ASRGL1: variants seen among roughly 807,000 people sequenced by gnomAD.
ASRGL1 encodes isoaspartyl peptidase/L-asparaginase.
In ASRGL1, 16 loss-of-function variants were observed where a neutral mutation model predicts 22.4. That is an observed-to-expected ratio of 0.71 (90% CI 0.48 to 1.08). The LOEUF is 1.08. Ranked by LOEUF, ASRGL1 falls within the 50% of genes least tolerant of loss-of-function variation. The pLI, the probability that ASRGL1 is intolerant of heterozygous loss-of-function variation, is 0.00. For synonymous variants in ASRGL1, 165 were observed against 159.3 expected (o/e 1.04, Z -0.27); for missense variants, 412 against 410.1 (o/e 1.00, Z -0.04).
At chr11:62,368,222 C>A (rs535700410) in intron 4 of ASRGL1, among the ~76,000 whole-genome samples, 1 of 152,184 alleles carries the variant, frequency 6.6e-6, no homozygotes, top group East Asian at 1.9e-4. Flanking sequence ...ATCAATTAAA[C>A]CTTATCATAG....
At chr11:62,389,449 C>A in intron 5 of ASRGL1, 198 bp downstream of exon 5, 1 of 667,828 alleles carries the variant, frequency 1.5e-6, no homozygotes, top group Non-Finnish European at 2.7e-6. Flanking sequence ...TTGTATCTGG[C>A]GCCACTGTTT....
rs562833453 is a variant in ASRGL1 at position 62,343,429 on chromosome 11, A to G, written c.190+5262A>G. ...CCAAACTTTAACATTCCCACTAGCA[A>G]TGTATGAAAGTTCCACTTACAGGCT... On this transcript the variant is annotated intron_variant, in intron 2 of 6. Transcript: ENST00000415229. 3.2e-4 allele frequency among the ~76,000 whole-genome samples: 48 copies of G among 150,376 alleles called. No homozygotes were observed. In the South Asian group the frequency reaches 9.5e-3, roughly 30 times the overall value.
chr11:62,367,052 A>G (rs1394676519), intron 4 of ASRGL1, among the ~76,000 whole-genome samples: 1 of 151,820 alleles, frequency 6.6e-6, no homozygotes, highest in Non-Finnish European at 1.5e-5. Flanking sequence ...TAAAAATACA[A>G]AATTAGTCGG....
the ASRGL1 span, among the ~76,000 whole-genome samples, chr11:62,400,823 G>GC: frequency 8.5e-5 from 13 of 152,308 alleles, no homozygotes; most frequent in East Asian, 2.5e-3. Flanking sequence ...GTCACAACCA[G>GC]TTAAGTGCAT....
chr11:62,362,813 T>TACACAC (rs57501048), intron 4 of ASRGL1, among the ~76,000 whole-genome samples: 1,402 of 83,838 alleles, frequency 0.017, 27 homozygotes, highest in Middle Eastern at 0.045. Context: ...TTATCTGACA[T>TACACAC]ACACACACAC....
intron 4 of ASRGL1, among the ~76,000 whole-genome samples, chr11:62,361,766 G>A (rs181684596): frequency 1.3e-3 from 205 of 152,124 alleles, no homozygotes; most frequent in African/African-American, 4.5e-3. Context: ...GATTACAGGC[G>A]TGAGCCACTG....
intron 4 of ASRGL1, among the ~76,000 whole-genome samples, chr11:62,384,420 C>T (rs1004411455): frequency 2.0e-5 from 3 of 151,856 alleles, no homozygotes; most frequent in Admixed American, 6.6e-5. Context: ...CAGAGAATTC[C>T]TTAAACCCGG....
Position 62,385,244 on chromosome 11 carries a change from T to C in ASRGL1, c.492-3889T>C, listed in dbSNP as rs185312691. 2.0e-4 allele frequency among the ~76,000 whole-genome samples: 31 copies of C among 152,342 alleles called. No individual in the cohort carries two copies. In the East Asian group the frequency reaches 6.0e-3, roughly 29 times the overall value. ...TACATTTGTTTATGGGTTTTTCCTT[T>C]TTACAAATTTGCCTAGTTTTGTCCT... On this transcript the variant is annotated intron_variant, in intron 4 of 6. Coordinates refer to ENST00000415229, the MANE Select transcript of ASRGL1 (RefSeq NM_001083926.2).
chr11:62,362,816 A>ACACG (rs1300365151), intron 4 of ASRGL1, among the ~76,000 whole-genome samples: 1 of 74,590 alleles, frequency 1.3e-5, no homozygotes, highest in Non-Finnish European at 2.4e-5. Context: ...TCTGACATAC[A>ACACG]CACACACACA....
intron 4 of ASRGL1, chr11:62,372,110 A>G: frequency 1.3e-6 from 1 of 791,476 alleles, no homozygotes; most frequent in Non-Finnish European, 2.3e-6. Flanking sequence ...CCTCATCACC[A>G]CAGAAGGAAA....
the ASRGL1 span, among the ~76,000 whole-genome samples, chr11:62,398,522 C>T: frequency 0.045 from 6,877 of 152,288 alleles, 538 homozygotes; most frequent in African/African-American, 0.16. Flanking sequence ...CCTGGCTACC[C>T]AGTGAAGATC....
intron 2 of ASRGL1, among the ~76,000 whole-genome samples, chr11:62,350,761 A>T (rs1299985018): frequency 1.3e-5 from 2 of 152,174 alleles, no homozygotes; most frequent in African/African-American, 4.8e-5. Flanking sequence ...ATACCACTGC[A>T]CTCCAGCCTG....
At chr11:62,373,070 G>T in intron 4 of ASRGL1, 2 of 1,440,298 alleles carry the variant, frequency 1.4e-6, no homozygotes, top group Non-Finnish European at 2.0e-6. Flanking sequence ...TCTCAGAGCC[G>T]GTCGCCATGG....
chr11:62,350,285 G>GT (rs1465632020), intron 2 of ASRGL1, among the ~76,000 whole-genome samples: 1 of 152,044 alleles, frequency 6.6e-6, no homozygotes, highest in African/African-American at 2.4e-5. Flanking sequence ...CTTTATTGCT[G>GT]AGTAGTATTC....
chr11:62,342,933 A>G (rs1447467085), intron 2 of ASRGL1, among the ~76,000 whole-genome samples: 1 of 152,226 alleles, frequency 6.6e-6, no homozygotes, highest in East Asian at 1.9e-4. Flanking sequence ...TAACCATGTA[A>G]TAGCTAAAGG....
rs1947279287 is a variant in ASRGL1 at position 62,389,123 on chromosome 11, T to G, written c.492-10T>G. On this transcript the variant is annotated splice_polypyrimidine_tract_variant and intron_variant, in intron 4 of 6. Coordinates refer to ENST00000415229, the MANE Select transcript of ASRGL1 (RefSeq NM_001083926.2). ...CAGCCTGTCACTTTTTTTCTGTTTA[T>G]TTTTGGCAGAAACTTGGGAACCGTG... is the stretch of plus-strand genomic sequence containing the variant. The G allele has an allele frequency of 6.2e-7, 1 of 1,603,418 alleles. No individual in the cohort carries two copies. Among genetic ancestry groups the G allele is most frequent in the Admixed American group, 1.7e-5 (1 of 59,680 alleles).
intron 5 of ASRGL1, among the ~76,000 whole-genome samples, chr11:62,390,233 G>A (rs977064064): frequency 2.0e-5 from 3 of 152,224 alleles, no homozygotes; most frequent in Non-Finnish European, 4.4e-5. Context: ...TTTTAAGCTT[G>A]AGTTACAGTG....
At chr11:62,394,909 C>T (rs1307424036), downstream of ASRGL1, among the ~76,000 whole-genome samples, 1 of 152,166 alleles carries the variant, frequency 6.6e-6, no homozygotes, top group Admixed American at 6.5e-5. Flanking sequence ...TGCCCCACAG[C>T]TTGTCCATGG....
downstream of ASRGL1, among the ~76,000 whole-genome samples, chr11:62,396,987 C>T (rs1590769052): frequency 6.6e-6 from 1 of 152,254 alleles, no homozygotes; most frequent in East Asian, 1.9e-4. Context: ...CCCGCCTTGG[C>T]CCTGGATTGT....
Sources: allele counts gnomAD v4.1 joint callset (sites outside exome capture counted in the v4.1 genomes callset), GRCh38; gene constraint gnomAD v4.1.1; transcripts MANE v1.5; gene names NCBI Gene and HGNC (gene_info 2026-07-23, HGNC 2026-07-21).